Variants in CRY1 observed in about 807,000 individuals in gnomAD.
CRY1 encodes cryptochrome-1.
CRY1 carries 45 observed loss-of-function variants against 76.0 expected under a neutral mutation model. That is an observed-to-expected ratio of 0.59 (90% CI 0.47 to 0.76). CRY1 has a LOEUF of 0.76. Ranked by LOEUF, CRY1 falls within the 30% of genes least tolerant of loss-of-function variation. CRY1 has a pLI of 0.00. For missense variants in CRY1, 587 were observed against 716.4 expected (o/e 0.82, Z 2.06); for synonymous variants, 248 against 244.0 (o/e 1.02, Z -0.15).
intron 1 of CRY1, among the ~76,000 whole-genome samples, chr12:107,060,739 C>T (rs1476890039): frequency 6.6e-6 from 1 of 151,918 alleles, no homozygotes; most frequent in Non-Finnish European, 1.5e-5. Flanking sequence ...GCCTGTAATC[C>T]CAGCCGAGGT....
chr12:107,010,373 T>A (rs1271336783), intron 2 of CRY1, among the ~76,000 whole-genome samples: 1 of 152,172 alleles, frequency 6.6e-6, no homozygotes, highest in African/African-American at 2.4e-5. Flanking sequence ...ATCAGCAATT[T>A]GAACATGAAA....
chr12:107,040,721 G>A (rs1952789324), intron 1 of CRY1, among the ~76,000 whole-genome samples: 1 of 151,992 alleles, frequency 6.6e-6, no homozygotes, highest in Non-Finnish European at 1.5e-5. Flanking sequence ...AAAAAAAGAA[G>A]AGGGAAGAGT....
chr12:107,035,252 T>C (rs886697231), intron 1 of CRY1, among the ~76,000 whole-genome samples: 1 of 152,206 alleles, frequency 6.6e-6, no homozygotes, highest in African/African-American at 2.4e-5. Context: ...GTTTGGCCAA[T>C]GGTCAAGATT....
chr12:106,998,625 T>A (rs1952260083), intron 7 of CRY1, among the ~76,000 whole-genome samples: 1 of 151,022 alleles, frequency 6.6e-6, no homozygotes, highest in African/African-American at 2.4e-5. Flanking sequence ...ATTGTCTTTG[T>A]ATACAACGGT....
chr12:107,081,159 A>C (rs888966146), intron 1 of CRY1, among the ~76,000 whole-genome samples: 4 of 152,116 alleles, frequency 2.6e-5, no homozygotes, highest in Non-Finnish European at 5.9e-5. Context: ...AGATTTGGTT[A>C]CTGAAAATTA....
chr12:106,998,624 G>C (rs540419562), intron 7 of CRY1, among the ~76,000 whole-genome samples: 1 of 149,296 alleles, frequency 6.7e-6, no homozygotes, highest in African/African-American at 2.5e-5. Flanking sequence ...TATTGTCTTT[G>C]TATACAACGG....
intron 1 of CRY1, among the ~76,000 whole-genome samples, chr12:107,054,280 T>A (rs923530733): frequency 6.6e-6 from 1 of 152,044 alleles, no homozygotes; most frequent in African/African-American, 2.4e-5. Context: ...AAATTATTGA[T>A]TAACTTTAGA....
At chr12:107,017,441 C>G (rs1404677288) in intron 2 of CRY1, among the ~76,000 whole-genome samples, 1 of 152,206 alleles carries the variant, frequency 6.6e-6, no homozygotes, top group East Asian at 1.9e-4. Context: ...TCACTCGGAT[C>G]TGCTCATGAG....
Position 107,075,338 on chromosome 12 carries a change from T to C in CRY1, c.158+17466A>G, listed in dbSNP as rs1331033627. 3.9e-5 allele frequency among the ~76,000 whole-genome samples: 6 copies of C among 152,128 alleles called. No homozygotes were observed. The East Asian group carries it at 5.8e-4, about 15-fold the overall frequency. On this transcript the variant is annotated intron_variant, in intron 1 of 12. Transcript: ENST00000008527. Reference sequence around the variant, plus strand: ...TGAGAATATAAAAAGTAAAGTTTTATAGAAAATGAAACTGAATGCTTCAAA... The same window carrying C: ...TGAGAATATAAAAAGTAAAGTTTTACAGAAAATGAAACTGAATGCTTCAAA...
At chr12:107,089,046 T>G (rs540143035) in intron 1 of CRY1, among the ~76,000 whole-genome samples, 1 of 152,358 alleles carries the variant, frequency 6.6e-6, no homozygotes, top group East Asian at 1.9e-4. Context: ...TTTTTAAGGT[T>G]CATTCATACA....
intron 1 of CRY1, among the ~76,000 whole-genome samples, chr12:107,069,542 T>C (rs1000163118): frequency 7.0e-6 from 1 of 141,864 alleles, no homozygotes; most frequent in Non-Finnish European, 1.5e-5. Context: ...ATATATTATA[T>C]ATATAAAGTA....
intron 1 of CRY1, among the ~76,000 whole-genome samples, chr12:107,040,553 AGAT>A (rs1413340170): frequency 3.3e-5 from 5 of 152,052 alleles, no homozygotes; most frequent in Admixed American, 6.5e-5. Context: ...CAAAGTGCTG[AGAT>A]TACAGGTGTG....
At chr12:107,031,843 T>C (rs1952678836) in intron 1 of CRY1, among the ~76,000 whole-genome samples, 1 of 152,180 alleles carries the variant, frequency 6.6e-6, no homozygotes. Flanking sequence ...AGATGCAGTG[T>C]GGTATTCTAG....
intron 1 of CRY1, among the ~76,000 whole-genome samples, chr12:107,025,668 T>C (rs1437043021): frequency 6.6e-6 from 1 of 152,194 alleles, no homozygotes; most frequent in East Asian, 1.9e-4. Context: ...TTTACTGCAA[T>C]GCCTTAAAAT....
At chr12:107,054,124 G>T (rs1434507707) in intron 1 of CRY1, among the ~76,000 whole-genome samples, 2 of 152,258 alleles carry the variant, frequency 1.3e-5, no homozygotes, top group East Asian at 3.9e-4. Context: ...GTGGGTAAAT[G>T]AATACTGGCC....
chr12:106,998,659 A>AACACACAC (rs10522970), intron 7 of CRY1, among the ~76,000 whole-genome samples: 20,264 of 143,272 alleles, frequency 0.14, 1,480 homozygotes, highest in East Asian at 0.25. Flanking sequence ...TAAGAGATTA[A>AACACACAC]ACACACACAC....
At chr12:106,997,447 A>G in intron 9 of CRY1, 41 bp downstream of exon 9, 1 of 1,613,150 alleles carries the variant, frequency 6.2e-7, no homozygotes, top group Admixed American at 1.7e-5. Flanking sequence ...AGATAAGTAC[A>G]TAAACAGCTG....
intron 1 of CRY1, among the ~76,000 whole-genome samples, chr12:107,080,119 C>A (rs1472265571): frequency 6.6e-6 from 1 of 152,062 alleles, no homozygotes; most frequent in Non-Finnish European, 1.5e-5. Context: ...GAGAAATTAC[C>A]TGTTGACTAT....
chr12:107,089,380 G>T (rs983309166), intron 1 of CRY1, among the ~76,000 whole-genome samples: 10 of 152,076 alleles, frequency 6.6e-5, no homozygotes, highest in Admixed American at 2.0e-4. Flanking sequence ...GTGTACCCAG[G>T]CTGGAGTGCA....
Sources: gnomAD v4.1 joint callset for allele counts (sites outside exome capture counted in the v4.1 genomes callset) on GRCh38, gnomAD v4.1.1 for gene constraint, MANE v1.5 for transcripts, NCBI Gene and HGNC (gene_info 2026-07-23, HGNC 2026-07-21) for gene names.